The following DOCK11 variants were observed in gnomAD, a reference collection of about 807,000 sequenced individuals.
DOCK11 encodes the protein dedicator of cytokinesis protein 11.
In DOCK11, 70 loss-of-function variants were observed where a neutral mutation model predicts 169.1. That is an observed-to-expected ratio of 0.41 (90% CI 0.34 to 0.51). The LOEUF is 0.51. DOCK11 is among the 20% of genes least tolerant of loss of function. The probability of loss-of-function intolerance (pLI) is 0.10; values close to 1 mark genes in which losing one functional copy is unlikely to be tolerated. For synonymous variants in DOCK11, 529 were observed against 541.3 expected (o/e 0.98, Z 0.32); for missense variants, 1,166 against 1,538.8 (o/e 0.76, Z 4.05).
chrX:118,597,381 C>G (rs760010219), intron 20 of DOCK11, 50 bp from the exon 21 acceptor site: 4 of 1,205,087 alleles, frequency 3.3e-6, no homozygotes, highest in Admixed American at 2.2e-5. Context: ...ATTTGTGTAG[C>G]TGATTGCATT....
chrX:118,582,664 C>A (rs991586094), intron 14 of DOCK11, among the ~76,000 whole-genome samples: 3 of 111,428 alleles, frequency 2.7e-5, no homozygotes, highest in African/African-American at 6.5e-5. Flanking sequence ...ATGTGGCCAA[C>A]AAAGATATGA....
intron 1 of DOCK11, among the ~76,000 whole-genome samples, chrX:118,503,841 G>T (rs1279886677): frequency 9.0e-6 from 1 of 111,115 alleles, no homozygotes; most frequent in East Asian, 2.8e-4. Context: ...GAAGTGGGAG[G>T]CAGGGTGTGG....
At chrX:118,553,004 C>T (rs1428139281) in intron 6 of DOCK11, among the ~76,000 whole-genome samples, 4 of 111,877 alleles carry the variant, frequency 3.6e-5, no homozygotes, top group Non-Finnish European at 3.8e-5. Context: ...ACAGGACAAG[C>T]CTTATCATAG....
At chrX:118,509,603 A>C (rs2057636844) in intron 1 of DOCK11, among the ~76,000 whole-genome samples, 1 of 112,502 alleles carries the variant, frequency 8.9e-6, no homozygotes, top group Non-Finnish European at 1.9e-5. Context: ...CAGAGGAGAC[A>C]AAGTGCCTGG....
At chrX:118,513,507 C>T (rs889007980) in intron 1 of DOCK11, among the ~76,000 whole-genome samples, 9 of 112,027 alleles carry the variant, frequency 8.0e-5, no homozygotes, top group Middle Eastern at 4.6e-3. Flanking sequence ...TCCAGCTACT[C>T]GGGAGGCTGA....
chrX:118,667,737 T>C (rs926672131), intron 45 of DOCK11, among the ~76,000 whole-genome samples: 2 of 111,502 alleles, frequency 1.8e-5, no homozygotes, highest in African/African-American at 6.5e-5. Context: ...TTCCTCAAAA[T>C]AGCCTGAGAA....
chrX:118,627,621 A>C (rs2015142128), intron 33 of DOCK11, 42 bp downstream of exon 33: 1 of 947,406 alleles, frequency 1.1e-6, no homozygotes, highest in African/African-American at 1.9e-5. Flanking sequence ...GTGGGTGTTT[A>C]GACATGTACC....
At chrX:118,676,113 C>T in intron 47 of DOCK11, 64 bp downstream of exon 47, 1 of 732,518 alleles carries the variant, frequency 1.4e-6, no homozygotes, top group Non-Finnish European at 2.0e-6. Context: ...TACTAGTTTA[C>T]TATAGCAGCT....
In DOCK11 at chrX:118,680,472, T is replaced by C. The variant is rs779142534; in HGVS notation, c.5461-10T>C. ...TAAAATAAATAAATAAAAACTTTCT[T>C]ATTTTATAGGTAAATGCCAAAGAGC... On this transcript the variant is annotated splice_polypyrimidine_tract_variant and intron_variant, in intron 48 of 52. Coordinates refer to ENST00000276202, the MANE Select transcript of DOCK11 (RefSeq NM_144658.4). 2.0e-6 allele frequency: 2 copies of C among 989,327 alleles called. No individual in the cohort carries two copies. Among genetic ancestry groups the C allele is most frequent in the East Asian group, 3.6e-5 (1 of 28,043 alleles). The allele number at this position is 989,327 out of a possible 1,213,427, so 81.5% of individuals were successfully genotyped here. A position where few individuals can be genotyped will look rare whatever the true frequency, so the allele number is the denominator to read the frequency against.
At chrX:118,619,655 G>A (rs1002777943) in intron 31 of DOCK11, among the ~76,000 whole-genome samples, 2 of 108,388 alleles carry the variant, frequency 1.8e-5, no homozygotes, top group African/African-American at 6.7e-5. Flanking sequence ...TATATCATAT[G>A]TAAAATATGT....
At chrX:118,541,214 T>C (rs1017658156) in intron 1 of DOCK11, among the ~76,000 whole-genome samples, 4 of 112,114 alleles carry the variant, frequency 3.6e-5, no homozygotes, top group East Asian at 2.8e-4. Context: ...TTCAGTACCA[T>C]GCACATGAGA....
chrX:118,579,971 G>T, intron 13 of DOCK11, 126 bp from the exon 14 acceptor site: 1 of 496,477 alleles, frequency 2.0e-6, no homozygotes. Context: ...TCTGCTTGTG[G>T]CTATTTCTAT....
At chrX:118,507,070 C>T (rs1239954650) in intron 1 of DOCK11, among the ~76,000 whole-genome samples, 1 of 112,388 alleles carries the variant, frequency 8.9e-6, no homozygotes, top group African/African-American at 3.2e-5. Context: ...TGATTTCCTG[C>T]GATTCTTCTC....
intron 32 of DOCK11, among the ~76,000 whole-genome samples, chrX:118,625,574 C>G (rs923357328): frequency 3.6e-5 from 4 of 112,172 alleles, no homozygotes; most frequent in African/African-American, 1.3e-4. Context: ...GAGAACACCA[C>G]AAATCCTTTG....
In DOCK11 at chrX:118,641,089, G is replaced by A. The variant is rs1448065716; in HGVS notation, c.4145-101G>A. On this transcript the variant is annotated intron_variant, in intron 38 of 52. Coordinates refer to ENST00000276202, the MANE Select transcript of DOCK11 (RefSeq NM_144658.4). The stretch of plus-strand genomic sequence containing the variant: ...CAGGCATGAGCCACCGCACCCAGCC[G>A]AGCCCCCTTTCTTGTCTTAAGTCTT... 16 of 612,610 alleles carry A rather than the reference G, an allele frequency of 2.6e-5. No individual in the cohort carries two copies. The African/African-American group carries it at 3.2e-4, about 12-fold the overall frequency. 50.5% of individuals were successfully genotyped at this position (612,610 alleles called of 1,213,427 possible).
intron 48 of DOCK11, among the ~76,000 whole-genome samples, chrX:118,677,868 A>T (rs980789571): frequency 8.9e-6 from 1 of 112,277 alleles, no homozygotes; most frequent in East Asian, 2.8e-4. Context: ...TGTTCCCACA[A>T]TATTGATTAC....
intron 23 of DOCK11, among the ~76,000 whole-genome samples, chrX:118,604,045 G>A (rs769919669): frequency 9.0e-6 from 1 of 111,702 alleles, no homozygotes; most frequent in Admixed American, 9.5e-5. Context: ...GTCCGTGAGG[G>A]TCTGTGTGTG....
chrX:118,586,713 A>G (rs1421479031), intron 16 of DOCK11, among the ~76,000 whole-genome samples: 3 of 112,036 alleles, frequency 2.7e-5, no homozygotes, highest in Non-Finnish European at 5.6e-5. Flanking sequence ...GACTGAGGGC[A>G]TCACATACGT....
chrX:118,590,847 G>A (rs1029025606), intron 19 of DOCK11, among the ~76,000 whole-genome samples: 29 of 111,516 alleles, frequency 2.6e-4, no homozygotes, highest in African/African-American at 8.8e-4. Flanking sequence ...AGCCTCTGTG[G>A]TTCCTCCTGA....
Sources: allele counts gnomAD v4.1 joint callset (sites outside exome capture counted in the v4.1 genomes callset), GRCh38; gene constraint gnomAD v4.1.1; transcripts MANE v1.5; gene names NCBI Gene and HGNC (gene_info 2026-07-23, HGNC 2026-07-21).